Variants in TP73 observed in about 807,000 individuals in gnomAD.
The protein encoded by TP73 is p53-like transcription factor.
A neutral mutation model predicts 62.5 loss-of-function variants in TP73; 25 were observed. The observed-to-expected ratio is 0.40, with a 90% confidence interval of 0.29 to 0.56. The LOEUF is 0.56. Among genes scored for constraint, TP73 ranks in the 20% least tolerant of loss-of-function variants. The pLI, the probability that TP73 is intolerant of heterozygous loss-of-function variation, is 0.46. For missense variants in TP73, 754 were observed against 913.3 expected, an observed-to-expected ratio of 0.83 and a Z score of 2.25; for synonymous variants, 423 against 377.5, an observed-to-expected ratio of 1.12 and a Z score of -1.40.
At chr1:3,673,422 G>A (rs1645289300) in intron 1 of TP73, among the ~76,000 whole-genome samples, 1 of 152,146 alleles carries the variant, frequency 6.6e-6, no homozygotes, top group South Asian at 2.1e-4. Context: ...CGGTTTATGG[G>A]GCATCCACGG....
intron 8 of TP73, 135 bp downstream of exon 8, chr1:3,727,905 G>A (rs370474146): frequency 3.2e-5 from 43 of 1,356,878 alleles, no homozygotes; most frequent in African/African-American, 2.8e-4. Context: ...CCTCCCTGAC[G>A]GAGCCTGAGA....
rs1191835173 is a variant in TP73 at position 3,729,219 on chromosome 1, C to T, written c.1075-108C>T. On this transcript the variant is annotated intron_variant, in intron 9 of 13. Coordinates refer to ENST00000378295, the MANE Select transcript of TP73 (RefSeq NM_005427.4). ...AGCCTCTGGGGTGCTGGGGAACCCC[C>T]AGAAAGGACAGATGCTTTGCCAAGC... The T allele has an allele frequency of 2.7e-6, 4 of 1,497,660 alleles. No homozygotes were observed. The Admixed American group carries it at 7.8e-5, about 29-fold the overall frequency. The allele number at this position is 1,497,660 out of a possible 1,614,324, so 92.8% of individuals were successfully genotyped here. A position where few individuals can be genotyped will look rare whatever the true frequency, so the allele number is the denominator to read the frequency against.
chr1:3,689,671 G>T (rs923378757), intron 3 of TP73, among the ~76,000 whole-genome samples: 2 of 152,202 alleles, frequency 1.3e-5, no homozygotes, highest in African/African-American at 2.4e-5. Flanking sequence ...GGGAGATGGA[G>T]ACAAGAGAAA....
intron 11 of TP73, 103 bp downstream of exon 11, chr1:3,730,251 C>A: frequency 7.6e-7 from 1 of 1,310,548 alleles, no homozygotes; most frequent in Non-Finnish European, 9.9e-7. Flanking sequence ...GGGCAGGTGT[C>A]TCTGTGGCTG....
intron 3 of TP73, among the ~76,000 whole-genome samples, chr1:3,698,788 C>T (rs529324539): frequency 1.3e-5 from 2 of 152,276 alleles, no homozygotes; most frequent in South Asian, 4.1e-4. Flanking sequence ...GTCACCTGGG[C>T]GTGTGGAGGG....
rs1436921952 is a variant in TP73, at chr1:3,674,522, C to T, written c.-33-7811C>T. Among the ~76,000 whole-genome samples, 3 of 152,352 alleles carry T rather than the reference C, an allele frequency of 2.0e-5. No individual in the cohort carries two copies. The East Asian group carries it at 5.8e-4, about 29-fold the overall frequency. On this transcript the variant is annotated intron_variant, in intron 1 of 13. Transcript: ENST00000378295. The stretch of plus-strand genomic sequence containing the variant: ...CTGCGGACAGGCCTTCGTCCCTGCC[C>T]CTGACCTGCTGACGAAGCCGTCCTG...
intron 3 of TP73, among the ~76,000 whole-genome samples, chr1:3,683,477 A>C (rs1472837801): frequency 6.6e-6 from 1 of 152,122 alleles, no homozygotes; most frequent in African/African-American, 2.4e-5. Context: ...AGATGTAGGA[A>C]GGGCTTTGGA....
Position 3,731,089 on chromosome 1 carries a change from A to G in TP73, c.1484+24A>G, listed in dbSNP as rs1465429720. The G allele has an allele frequency of 2.5e-6, 4 of 1,604,358 alleles. No individual in the cohort carries two copies. In the Admixed American group the frequency reaches 6.7e-5, roughly 27 times the overall value. ...AGGTGCGTGGGCTGCCGAGGGCCTG[A>G]GCATGTGCTGTCACCCTGTCTGTTC... is the stretch of plus-strand genomic sequence containing the variant. On this transcript the variant is annotated intron_variant, in intron 12 of 13. Coordinates refer to ENST00000378295, the MANE Select transcript of TP73 (RefSeq NM_005427.4).
chr1:3,686,545 C>G (rs1231483348), intron 3 of TP73, among the ~76,000 whole-genome samples: 1 of 152,100 alleles, frequency 6.6e-6, no homozygotes, highest in Non-Finnish European at 1.5e-5. Flanking sequence ...CACACTGGCC[C>G]CTGCAGAGGA....
In TP73 at chr1:3,660,018, A is replaced by G. The variant is rs968417338; in HGVS notation, c.-34+7377A>G. ...TTGTTTGTAAAGTAAGTCTAGCCTC[A>G]TTAAAATTGGCCTGATTATTTGCAC... On this transcript the variant is annotated intron_variant, in intron 1 of 13. Coordinates refer to ENST00000378295, the MANE Select transcript of TP73 (RefSeq NM_005427.4). Among the ~76,000 whole-genome samples, 3 of 152,334 alleles carry G rather than the reference A, an allele frequency of 2.0e-5. No homozygotes were observed. The East Asian group carries it at 5.8e-4, about 29-fold the overall frequency.
chr1:3,680,259 T>G (rs1645489973), intron 1 of TP73, among the ~76,000 whole-genome samples: 1 of 152,174 alleles, frequency 6.6e-6, no homozygotes, highest in South Asian at 2.1e-4. Context: ...CGCGTAATGT[T>G]CCATTGCTTG....
intron 3 of TP73, chr1:3,690,598 G>T (rs970634828): frequency 1.6e-6 from 2 of 1,264,536 alleles, no homozygotes; most frequent in Non-Finnish European, 1.0e-6. Context: ...ACATCACCGG[G>T]CAAGCTGAGG....
chr1:3,709,698 G>A (rs915246972), intron 4 of TP73, among the ~76,000 whole-genome samples: 1 of 152,222 alleles, frequency 6.6e-6, no homozygotes, highest in Non-Finnish European at 1.5e-5. Context: ...ACTCAGGCTT[G>A]TTGCCTAAGT....
chr1:3,730,848 G>T, intron 11 of TP73, 79 bp from the exon 12 acceptor site: 1 of 1,485,448 alleles, frequency 6.7e-7, no homozygotes. Context: ...GGTGTCCAGA[G>T]GTGTCTGGAG....
At chr1:3,675,507 G>C (rs904507734) in intron 1 of TP73, among the ~76,000 whole-genome samples, 7 of 152,166 alleles carry the variant, frequency 4.6e-5, no homozygotes, top group Admixed American at 4.6e-4. Context: ...CCTCCTCCCT[G>C]AATGGAGGAG....
chr1:3,682,256 G>A lies in TP73; in HGVS notation c.-33-77G>A, dbSNP rs115773020. ...CCCCAGGCAGGCCCACTTGCCTGCC[G>A]CCCCCACCGAGGCTGTCACAGGAGG... On this transcript the variant is annotated intron_variant, in intron 1 of 13. Transcript: ENST00000378295. The A allele has an allele frequency of 1.1e-4, 127 of 1,157,382 alleles. No individual in the cohort carries two copies. In the African/African-American group the frequency reaches 1.8e-3, roughly 16 times the overall value. The allele number at this position is 1,157,382 out of a possible 1,614,324, so 71.7% of individuals were successfully genotyped here. A position where few individuals can be genotyped will look rare whatever the true frequency, so the allele number is the denominator to read the frequency against.
chr1:3,732,473 G>A (rs112711404), intron 13 of TP73, among the ~76,000 whole-genome samples: 1 of 152,190 alleles, frequency 6.6e-6, no homozygotes, highest in Non-Finnish European at 1.5e-5. Context: ...TGGAGACCAA[G>A]GAGGGCCCTG....
At chr1:3,665,359 T>C (rs745597441) in intron 1 of TP73, among the ~76,000 whole-genome samples, 2 of 152,132 alleles carry the variant, frequency 1.3e-5, no homozygotes, top group South Asian at 2.1e-4. Context: ...AGGATGCTAA[T>C]TGGATTAATA....
intron 3 of TP73, among the ~76,000 whole-genome samples, chr1:3,689,267 C>G (rs1297498713): frequency 6.6e-6 from 1 of 152,142 alleles, no homozygotes; most frequent in East Asian, 1.9e-4. Context: ...AGGGGGCTTC[C>G]CAGAGACGCC....
Sources: allele counts gnomAD v4.1 joint callset (sites outside exome capture counted in the v4.1 genomes callset), GRCh38; gene constraint gnomAD v4.1.1; transcripts MANE v1.5; gene names NCBI Gene and HGNC (gene_info 2026-07-23, HGNC 2026-07-21).